MAMDC2: variants seen among roughly 807,000 people sequenced by gnomAD.
MAMDC2 encodes MAM domain-containing protein 2.
Under a neutral mutation model 89.8 loss-of-function variants are expected in MAMDC2, and 57 were observed. The ratio of observed to expected loss-of-function variants is 0.63; its 90% CI spans 0.51 to 0.79. The LOEUF (loss-of-function observed/expected upper bound fraction) is 0.79. Among genes scored for constraint, MAMDC2 ranks in the 30% least tolerant of loss-of-function variants. The probability of loss-of-function intolerance (pLI) is 0.00; values close to 1 mark genes in which losing one functional copy is unlikely to be tolerated. For synonymous variants in MAMDC2, 313 were observed against 293.4 expected (o/e 1.07, Z -0.68); for missense variants, 800 against 820.6 (o/e 0.97, Z 0.31).
chr9:70,179,571 T>C (rs1174974114), intron 11 of MAMDC2, among the ~76,000 whole-genome samples: 1 of 146,502 alleles, frequency 6.8e-6, no homozygotes, highest in African/African-American at 2.5e-5. Flanking sequence ...AAATAAGGCA[T>C]AGATTCCCTT....
chr9:70,054,564 T>G (rs920934251), intron 2 of MAMDC2, among the ~76,000 whole-genome samples: 1 of 152,192 alleles, frequency 6.6e-6, no homozygotes, highest in African/African-American at 2.4e-5. Flanking sequence ...AAAGAAACTT[T>G]GAGATGAAAG....
chr9:70,126,092 C>T (rs187919071), intron 5 of MAMDC2, 67 bp from the exon 6 acceptor site: 112 of 1,468,938 alleles, frequency 7.6e-5, no homozygotes, highest in Non-Finnish European at 9.5e-5. Flanking sequence ...CACACCATTT[C>T]GCCTGAACCT....
Position 70,168,771 on chromosome 9 carries a change from C to G in MAMDC2, c.1474C>G (p.Gln492Glu), listed in dbSNP as rs200628564. 16 of 1,613,966 alleles carry G rather than the reference C, an allele frequency of 9.9e-6. No individual in the cohort carries two copies. The Admixed American group carries it at 1.7e-4, about 17-fold the overall frequency. ...TGTAGCCCTGGATGACATTACAATA[C>G]AATTGGGAAGCTGCTCATCTTCAGG... ...GLVALDDITIQLGSCSSSEKL... is the reference protein window; with the variant it reads ...GLVALDDITIELGSCSSSEKL... Residue 492 changes from glutamine to glutamate, a missense_variant, in exon 10 of 14, where the codon CAA becomes GAA. Coordinates refer to ENST00000377182, the MANE Select transcript of MAMDC2 (RefSeq NM_153267.5).
chr9:70,047,133 A>C (rs543277320), intron 2 of MAMDC2, among the ~76,000 whole-genome samples: 5 of 152,082 alleles, frequency 3.3e-5, no homozygotes, highest in African/African-American at 1.2e-4. Context: ...ATTCACCTTC[A>C]TGTACTGGAT....
intron 2 of MAMDC2, among the ~76,000 whole-genome samples, chr9:70,049,216 G>T (rs1300291528): frequency 6.6e-6 from 1 of 152,084 alleles, no homozygotes; most frequent in Non-Finnish European, 1.5e-5. Context: ...ATGAAGGGGT[G>T]GGGTGGGGGC....
chr9:70,150,935 C>T (rs2031560514), intron 9 of MAMDC2, among the ~76,000 whole-genome samples: 1 of 152,204 alleles, frequency 6.6e-6, no homozygotes. Flanking sequence ...GTTCTATGGC[C>T]TTCAGAATAA....
At position 70,218,342 on chromosome 9, in the gene MAMDC2, T is replaced by G; in HGVS notation, c.1657T>G (p.Tyr553Asp). The change falls in exon 12 of 14, where the codon TAC (tyrosine) becomes GAC (aspartate). Residue 553 changes from tyrosine (Y) to aspartate (D), a missense_variant. Physicochemically the swap from Tyr to Asp is radical, Grantham distance 160. Coordinates refer to ENST00000377182, the MANE Select transcript of MAMDC2 (RefSeq NM_153267.5). Reference sequence around the variant, plus strand: ...GCTTTTGCATTCACCTCAAGGCTACTACATGTACATTGAGGCCTCCCATAT... The same window carrying G: ...GCTTTTGCATTCACCTCAAGGCTACGACATGTACATTGAGGCCTCCCATAT... The part of the protein sequence containing the change: ...KGDHTTGVGY[Y>D]MYIEASHMVY... 6.2e-7 allele frequency: 1 copy of G among 1,612,572 alleles called. No homozygotes were observed. Among genetic ancestry groups the G allele is most frequent in the Non-Finnish European group, 8.5e-7 (1 of 1,178,992 alleles).
intron 2 of MAMDC2, among the ~76,000 whole-genome samples, chr9:70,107,535 G>A (rs1366078552): frequency 6.6e-6 from 1 of 152,168 alleles, no homozygotes; most frequent in South Asian, 2.1e-4. Flanking sequence ...TACATGTTTT[G>A]CAAGTGTTTC....
At chr9:70,208,844 C>A (rs181124919) in intron 11 of MAMDC2, among the ~76,000 whole-genome samples, 1 of 152,210 alleles carries the variant, frequency 6.6e-6, no homozygotes, top group East Asian at 1.9e-4. Context: ...GCATGAAGGG[C>A]TGCTGAATTT....
chr9:70,057,568 G>A (rs1164001041), intron 2 of MAMDC2, among the ~76,000 whole-genome samples: 2 of 152,138 alleles, frequency 1.3e-5, no homozygotes, highest in Non-Finnish European at 2.9e-5. Context: ...GAAGTCATTC[G>A]TACTTTGGGG....
intron 2 of MAMDC2, among the ~76,000 whole-genome samples, chr9:70,104,851 T>C (rs1379879831): frequency 6.6e-6 from 1 of 152,196 alleles, no homozygotes; most frequent in African/African-American, 2.4e-5. Context: ...GAAAATGTTC[T>C]GGAATTAGAT....
intron 2 of MAMDC2, among the ~76,000 whole-genome samples, chr9:70,051,954 C>T (rs1205414244): frequency 6.6e-6 from 1 of 151,970 alleles, no homozygotes; most frequent in Non-Finnish European, 1.5e-5. Flanking sequence ...TATAGTTTCA[C>T]CTACAGAATG....
At position 70,168,819 on chromosome 9, in the gene MAMDC2, C is replaced by T. The variant is rs781588219; in HGVS notation, c.1498+24C>T. The stretch of plus-strand genomic sequence containing the variant: ...AGGTAAGACGGCAATCATTTTAGCT[C>T]TCTGTCTCTCTGACCTATACATACA... On this transcript the variant is annotated intron_variant, in intron 10 of 13. Transcript: ENST00000377182. 3 of 1,520,322 alleles carry T rather than the reference C, an allele frequency of 2.0e-6. No homozygotes were observed. In the Middle Eastern group the frequency reaches 5.1e-4, roughly 259 times the overall value. 94.2% of individuals were successfully genotyped at this position (1,520,322 alleles called of 1,614,324 possible).
rs940410460 is a variant in MAMDC2 at position 70,043,909 on chromosome 9, G to C, written c.-289G>C. 1 of 562,772 alleles carries C rather than the reference G, an allele frequency of 1.8e-6. No homozygotes were observed. The highest frequency in any genetic ancestry group is 1.9e-5 in the African/African-American group (1 of 52,980). 34.9% of individuals were successfully genotyped at this position (562,772 alleles called of 1,614,324 possible). On this transcript the variant is annotated 5_prime_UTR_variant, in exon 1 of 14. Transcript: ENST00000377182. ...CAAAGTGTGCAGTTGTCTCCTCCCT[G>C]TCCAGCCCCATCGTCGCCCAGGACC...
intron 5 of MAMDC2, among the ~76,000 whole-genome samples, chr9:70,114,327 G>T (rs1460051542): frequency 6.7e-6 from 1 of 149,392 alleles, no homozygotes; most frequent in African/African-American, 2.5e-5. Context: ...CCAATGAGTT[G>T]CTGCTGTGTG....
chr9:70,104,982 A>C (rs562286919), intron 2 of MAMDC2, among the ~76,000 whole-genome samples: 1 of 150,738 alleles, frequency 6.6e-6, no homozygotes, highest in South Asian at 2.1e-4. Context: ...TTTGATTAAG[A>C]TGGAATAAAT....
Position 70,128,949 on chromosome 9 carries a change from G to A in MAMDC2, c.900+2534G>A, listed in dbSNP as rs534612849. Among the ~76,000 whole-genome samples the A allele has an allele frequency of 1.6e-4, 24 of 152,264 alleles. 1 individual carries two copies. In the South Asian group the frequency reaches 3.9e-3, roughly 25 times the overall value. On this transcript the variant is annotated intron_variant, in intron 6 of 13. Transcript: ENST00000377182. ...TGGAATTACAGGCATGAACCACTGC[G>A]GCCAACCAACCTTCAGAAAAAGATA...
At chr9:70,217,618 A>G in intron 11 of MAMDC2, 1 of 1,610,908 alleles carries the variant, frequency 6.2e-7, no homozygotes, top group Non-Finnish European at 8.5e-7. Flanking sequence ...TAAGCAAAAG[A>G]TTGTGAAGCC....
chr9:70,064,866 G>A (rs1827229884), intron 2 of MAMDC2, among the ~76,000 whole-genome samples: 1 of 152,194 alleles, frequency 6.6e-6, no homozygotes, highest in South Asian at 2.1e-4. Context: ...CAGCCAGTCA[G>A]TAAGAAACCT....
Sources: gnomAD v4.1 joint callset for allele counts (sites outside exome capture counted in the v4.1 genomes callset) on GRCh38, gnomAD v4.1.1 for gene constraint, MANE v1.5 for transcripts, NCBI Gene and HGNC (gene_info 2026-07-23, HGNC 2026-07-21) for gene names.